DLGAP1: variants seen among roughly 807,000 people sequenced by gnomAD.
DLGAP1 encodes disks large-associated protein 1.
Under a neutral mutation model 90.8 loss-of-function variants are expected in DLGAP1, and 11 were observed. That is an observed-to-expected ratio of 0.12 (90% confidence interval 0.08 to 0.20). The LOEUF (loss-of-function observed/expected upper bound fraction) is 0.20. Among genes scored for constraint, DLGAP1 ranks in the 10% least tolerant of loss-of-function variants. DLGAP1 has a pLI of 1.00. For missense variants in DLGAP1, 1,050 were observed against 1,333.8 expected (o/e 0.79, Z 3.31); for synonymous variants, 558 against 540.7 (o/e 1.03, Z -0.44).
intron 2 of DLGAP1, among the ~76,000 whole-genome samples, chr18:4,143,413 G>A (rs577430742): frequency 6.6e-6 from 1 of 151,856 alleles, no homozygotes; most frequent in African/African-American, 2.4e-5. Context: ...GGCCCGTGAT[G>A]AGTACTGCCA....
chr18:3,834,500 G>A (rs1333491182), intron 4 of DLGAP1, among the ~76,000 whole-genome samples: 1 of 152,034 alleles, frequency 6.6e-6, no homozygotes, highest in African/African-American at 2.4e-5. Context: ...ATTCAATCCT[G>A]TGTTCCCGGT....
At chr18:3,515,640 C>A (rs9748789) in intron 10 of DLGAP1, among the ~76,000 whole-genome samples, 105,700 of 151,242 alleles carry the variant, frequency 0.7, 37,311 homozygotes, top group South Asian at 0.79. Flanking sequence ...ATTAGTCGGC[C>A]TGGTGGCACA....
chr18:3,880,193 G>A, intron 3 of DLGAP1, 53 bp from the exon 4 acceptor site: 2 of 869,302 alleles, frequency 2.3e-6, no homozygotes, highest in Non-Finnish European at 3.6e-6. Context: ...TGGAAATTAG[G>A]TATTGCACTT....
intron 6 of DLGAP1, among the ~76,000 whole-genome samples, chr18:3,735,787 T>A (rs576494448): frequency 6.6e-6 from 1 of 152,198 alleles, no homozygotes; most frequent in Non-Finnish European, 1.5e-5. Flanking sequence ...CTACTGTTAA[T>A]ACTACTATTA....
intron 5 of DLGAP1, among the ~76,000 whole-genome samples, chr18:3,776,148 C>T (rs143699276): frequency 1.3e-4 from 20 of 152,252 alleles, no homozygotes; most frequent in East Asian, 5.8e-4. Flanking sequence ...ATTCCGCATA[C>T]GGGATCACCA....
intron 1 of DLGAP1, among the ~76,000 whole-genome samples, chr18:4,358,110 G>C (rs1335035169): frequency 6.6e-6 from 1 of 152,194 alleles, no homozygotes; most frequent in Non-Finnish European, 1.5e-5. Flanking sequence ...CCCTGTTCTA[G>C]ACACTGGAGA....
intron 3 of DLGAP1, among the ~76,000 whole-genome samples, chr18:3,925,889 A>C (rs1224788385): frequency 1.3e-5 from 2 of 152,230 alleles, no homozygotes; most frequent in Non-Finnish European, 2.9e-5. Context: ...AACAAAACAC[A>C]AAAATCCCAT....
intron 1 of DLGAP1, among the ~76,000 whole-genome samples, chr18:4,227,467 A>C (rs1324350163): frequency 6.6e-6 from 1 of 151,938 alleles, no homozygotes; most frequent in Non-Finnish European, 1.5e-5. Context: ...AACTAGTCTT[A>C]AGACATTAAA....
At chr18:3,771,401 G>C (rs531905850) in intron 5 of DLGAP1, 1 of 152,260 alleles carries the variant, frequency 6.6e-6, no homozygotes, top group Non-Finnish European at 1.5e-5. Context: ...AAGGACGGTG[G>C]GGGGACGACG....
chr18:4,099,447 C>T (rs551253836), intron 2 of DLGAP1, among the ~76,000 whole-genome samples: 48 of 152,034 alleles, frequency 3.2e-4, no homozygotes, highest in Non-Finnish European at 6.6e-4. Flanking sequence ...TTTTCAGTTT[C>T]CCAATGCGTG....
intron 2 of DLGAP1, among the ~76,000 whole-genome samples, chr18:4,013,463 A>G (rs553714387): frequency 6.6e-6 from 1 of 152,276 alleles, no homozygotes; most frequent in Admixed American, 6.5e-5. Context: ...TGCACTTTGG[A>G]TATCTGTTTG....
At chr18:4,436,905 C>T (rs2083413287) in intron 1 of DLGAP1, among the ~76,000 whole-genome samples, 1 of 152,062 alleles carries the variant, frequency 6.6e-6, no homozygotes, top group Admixed American at 6.6e-5. Flanking sequence ...CCTATTTATG[C>T]CAATAAAGTA....
At chr18:3,875,974 C>T (rs1209315649) in intron 4 of DLGAP1, among the ~76,000 whole-genome samples, 1 of 151,482 alleles carries the variant, frequency 6.6e-6, no homozygotes, top group East Asian at 1.9e-4. Flanking sequence ...GAAGTTAAAT[C>T]CATTTGTAAA....
chr18:3,500,650 T>C (rs1297427368), intron 12 of DLGAP1, among the ~76,000 whole-genome samples: 1 of 152,146 alleles, frequency 6.6e-6, no homozygotes, highest in African/African-American at 2.4e-5. Flanking sequence ...ATTGTGCTTG[T>C]TCATTTTTCT....
At position 4,084,276 on chromosome 18, in the gene DLGAP1, T is replaced by C. The variant is rs1400541906; in HGVS notation, c.-159+66904A>G. Among the ~76,000 whole-genome samples the C allele has an allele frequency of 2.0e-5, 3 of 152,212 alleles. No homozygotes were observed. The highest frequency in any genetic ancestry group is 2.4e-5 in the African/African-American group (1 of 41,454). ...AATTTGAATCCTGTAGGTTTTTCTC[T>C]TTTAATTTAACTATACTAAGGATTT... On this transcript the variant is annotated intron_variant, in intron 2 of 12. Coordinates refer to ENST00000315677, the MANE Select transcript of DLGAP1 (RefSeq NM_004746.4). The surrounding 1 kb of genome is among the most constrained non-coding windows in gnomAD (Gnocchi z 4.0).
chr18:3,728,567 G>A (rs1052463160), intron 7 of DLGAP1, among the ~76,000 whole-genome samples: 2 of 151,990 alleles, frequency 1.3e-5, no homozygotes, highest in Non-Finnish European at 2.9e-5. Context: ...AGGATAGATC[G>A]AAGTTTTAAA....
At chr18:4,209,970 A>G (rs757477146) in intron 1 of DLGAP1, among the ~76,000 whole-genome samples, 1 of 152,156 alleles carries the variant, frequency 6.6e-6, no homozygotes, top group African/African-American at 2.4e-5. Context: ...TCTCTTCCTG[A>G]GCCATTATAT....
chr18:4,362,685 A>G (rs1443085761), intron 1 of DLGAP1, among the ~76,000 whole-genome samples: 1 of 152,130 alleles, frequency 6.6e-6, no homozygotes, highest in Non-Finnish European at 1.5e-5. Context: ...ATATGAATGT[A>G]CTCAACACCA....
intron 1 of DLGAP1, among the ~76,000 whole-genome samples, chr18:4,184,210 A>T (rs996520717): frequency 6.6e-6 from 1 of 152,148 alleles, no homozygotes; most frequent in African/African-American, 2.4e-5. Context: ...ATTGATCGTG[A>T]CCTAAATTTG....
Sources: gnomAD v4.1 joint callset for allele counts (sites outside exome capture counted in the v4.1 genomes callset) on GRCh38, gnomAD v4.1.1 for gene constraint, Gnocchi (gnomAD v3.1) non-coding constraint, MANE v1.5 for transcripts, NCBI Gene and HGNC (gene_info 2026-07-23, HGNC 2026-07-21) for gene names.